ATE1: variants seen among roughly 807,000 people sequenced by gnomAD.
ATE1 encodes the protein arginyl-tRNA--protein transferase 1.
In ATE1, 36 loss-of-function variants were observed where a neutral mutation model predicts 70.5. The ratio of observed to expected loss-of-function variants is 0.51; its 90% CI spans 0.39 to 0.67. The LOEUF (loss-of-function observed/expected upper bound fraction) is 0.67, where lower values mean the gene tolerates loss of function less well. Ranked by LOEUF, ATE1 falls within the 30% of genes least tolerant of loss-of-function variation. The pLI, the probability that ATE1 is intolerant of heterozygous loss-of-function variation, is 0.00. For missense variants in ATE1, 593 were observed against 629.5 expected, an observed-to-expected ratio of 0.94 and a Z score of 0.62; for synonymous variants, 232 against 219.3, an observed-to-expected ratio of 1.06 and a Z score of -0.51.
rs370086606 is a variant in ATE1, at chr10:121,799,440, C to CAA, written c.1258-9153_1258-9152dup. Reference sequence around the variant, plus strand: ...CCAAGTAGCACCATGTTTAGGAAAACAAAAAAAAAAACAGGCACTCACCAA... The same window carrying CAA: ...CCAAGTAGCACCATGTTTAGGAAAACAAAAAAAAAAAAACAGGCACTCACCAA... On this transcript the variant is annotated intron_variant, in intron 10 of 11. Transcript: ENST00000224652. Among the ~76,000 whole-genome samples, 1,132 of 143,560 alleles carry CAA rather than the reference C, an allele frequency of 7.9e-3. 2 individuals carry two copies. The highest frequency in any genetic ancestry group is 0.017 in the South Asian group (77 of 4,524). The allele number at this position is 143,560 out of a possible 152,430, so 94.2% of individuals were successfully genotyped here.
chr10:121,884,262 G>A (rs1950313417), intron 7 of ATE1, among the ~76,000 whole-genome samples: 1 of 151,986 alleles, frequency 6.6e-6, no homozygotes, highest in South Asian at 2.1e-4. Flanking sequence ...GTTGTATGAT[G>A]GTATGATTTT....
intron 10 of ATE1, among the ~76,000 whole-genome samples, chr10:121,829,149 G>A (rs1258691022): frequency 6.6e-6 from 1 of 152,158 alleles, no homozygotes; most frequent in African/African-American, 2.4e-5. Flanking sequence ...TCCTGGCCAG[G>A]CATGGTGGCT....
intron 7 of ATE1, among the ~76,000 whole-genome samples, chr10:121,899,189 G>A (rs765661585): frequency 7.4e-5 from 11 of 148,198 alleles, no homozygotes; most frequent in Non-Finnish European, 1.2e-4. Context: ...CCAACAATTT[G>A]TTCTTTTTTT....
intron 11 of ATE1, among the ~76,000 whole-genome samples, chr10:121,760,951 G>A (rs1440142415): frequency 6.6e-6 from 1 of 152,214 alleles, no homozygotes; most frequent in Non-Finnish European, 1.5e-5. Flanking sequence ...TGGAGGTGGA[G>A]CCCAGTGGGA....
At chr10:121,850,415 T>G (rs575628337) in intron 8 of ATE1, among the ~76,000 whole-genome samples, 1 of 152,328 alleles carries the variant, frequency 6.6e-6, no homozygotes, top group African/African-American at 2.4e-5. Flanking sequence ...GGCTCAGTCA[T>G]CCATTCCTAG....
rs200615302 is a variant in ATE1 at position 121,869,993 on chromosome 10, G to A, written c.975+13C>T. ...TACCAATTCTAATATTAAGGTCAGTGAGTAACTCTTACCTCCAAGGGTGAA... is the reference window on the plus strand; with the variant it reads ...TACCAATTCTAATATTAAGGTCAGTAAGTAACTCTTACCTCCAAGGGTGAA... On this transcript the variant is annotated intron_variant, in intron 8 of 11. Transcript: ENST00000224652. 52 of 1,598,848 alleles carry A rather than the reference G, an allele frequency of 3.3e-5. No homozygotes were observed. Among genetic ancestry groups the A allele is most frequent in the Admixed American group, 1.2e-4 (7 of 59,966 alleles).
intron 1 of ATE1, chr10:121,927,529 C>A: frequency 3.0e-6 from 3 of 985,382 alleles, no homozygotes; most frequent in Non-Finnish European, 3.6e-6. Context: ...TTAACTACGG[C>A]TCTGGGGCGT....
chr10:121,805,951 A>G (rs1947078330), intron 10 of ATE1, among the ~76,000 whole-genome samples: 1 of 152,212 alleles, frequency 6.6e-6, no homozygotes, highest in African/African-American at 2.4e-5. Flanking sequence ...ACTATCACCA[A>G]TACTTGGACA....
intron 11 of ATE1, chr10:121,782,786 G>T (rs1946049383): frequency 1.3e-5 from 2 of 152,252 alleles, no homozygotes; most frequent in African/African-American, 2.4e-5. Context: ...TCAGCTGCCA[G>T]TGCAGCTAGA....
chr10:121,853,746 C>T (rs1949142956), intron 8 of ATE1, among the ~76,000 whole-genome samples: 1 of 152,052 alleles, frequency 6.6e-6, no homozygotes, highest in African/African-American at 2.4e-5. Context: ...GCTGCTATAA[C>T]AATATACCTT....
intron 8 of ATE1, among the ~76,000 whole-genome samples, chr10:121,844,388 A>G (rs1386394225): frequency 6.6e-6 from 1 of 152,250 alleles, no homozygotes; most frequent in Non-Finnish European, 1.5e-5. Flanking sequence ...AATTAAAACA[A>G]TGAGATAATA....
At chr10:121,864,729 G>A (rs573946882) in intron 8 of ATE1, among the ~76,000 whole-genome samples, 4 of 152,122 alleles carry the variant, frequency 2.6e-5, no homozygotes, top group South Asian at 2.1e-4. Flanking sequence ...GCTTATTAAC[G>A]ATACCTCTTT....
At chr10:121,854,703 CAG>C (rs1564898259) in intron 8 of ATE1, among the ~76,000 whole-genome samples, 1 of 152,178 alleles carries the variant, frequency 6.6e-6, no homozygotes, top group African/African-American at 2.4e-5. Flanking sequence ...GTCAGGCAGA[CAG>C]TTAGGATGGG....
chr10:121,873,608 G>GTCCT (rs1949935296), intron 7 of ATE1, among the ~76,000 whole-genome samples: 4 of 151,018 alleles, frequency 2.6e-5, no homozygotes, highest in Non-Finnish European at 5.9e-5. Flanking sequence ...GGGGTAGGGG[G>GTCCT]AATAAGGACC....
chr10:121,854,831 C>G (rs1344784652), intron 8 of ATE1, among the ~76,000 whole-genome samples: 5 of 152,116 alleles, frequency 3.3e-5, no homozygotes, highest in East Asian at 1.9e-4. Flanking sequence ...AAGCAAGGCC[C>G]AATACAGAAG....
intron 7 of ATE1, among the ~76,000 whole-genome samples, chr10:121,882,091 C>T (rs912800171): frequency 6.6e-6 from 1 of 152,000 alleles, no homozygotes; most frequent in African/African-American, 2.4e-5. Flanking sequence ...CCACCGTGCC[C>T]GGCCTACAGG....
intron 3 of ATE1, among the ~76,000 whole-genome samples, chr10:121,915,954 C>T (rs779544140): frequency 1.3e-5 from 2 of 149,160 alleles, no homozygotes; most frequent in Admixed American, 6.7e-5. Flanking sequence ...AGAAAAGCTT[C>T]GGCCAGGCAC....
chr10:121,917,572 G>T (rs551652062), intron 3 of ATE1, among the ~76,000 whole-genome samples: 1 of 151,976 alleles, frequency 6.6e-6, no homozygotes. Flanking sequence ...GGGAAACAGG[G>T]ATAAGAGAAA....
intron 7 of ATE1, among the ~76,000 whole-genome samples, chr10:121,892,496 A>C (rs1159323280): frequency 7.1e-6 from 1 of 140,220 alleles, no homozygotes; most frequent in Admixed American, 7.8e-5. Context: ...AACGGTGACA[A>C]AACTTTTTTT....
Sources: gnomAD v4.1 joint callset for allele counts (sites outside exome capture counted in the v4.1 genomes callset) on GRCh38, gnomAD v4.1.1 for gene constraint, MANE v1.5 for transcripts, NCBI Gene and HGNC (gene_info 2026-07-23, HGNC 2026-07-21) for gene names.